Variants in SDK1 observed in about 807,000 individuals in gnomAD.
The protein encoded by SDK1 is protein sidekick-1.
In SDK1, 157 loss-of-function variants were observed where a neutral mutation model predicts 245.5. That is an observed-to-expected ratio of 0.64 (90% confidence interval 0.56 to 0.73). The LOEUF (loss-of-function observed/expected upper bound fraction) is 0.73, where lower values mean the gene tolerates loss of function less well. SDK1 is among the 30% of genes least tolerant of loss of function. SDK1 has a pLI of 0.00. For synonymous variants in SDK1, 1,647 were observed against 1,278.5 expected, an observed-to-expected ratio of 1.29 and a Z score of -6.15; for missense variants, 3,583 against 3,002.3, an observed-to-expected ratio of 1.19 and a Z score of -4.52.
chr7:3,818,767 C>T (rs1779572243), intron 4 of SDK1, among the ~76,000 whole-genome samples: 1 of 152,182 alleles, frequency 6.6e-6, no homozygotes, highest in Admixed American at 6.5e-5. Flanking sequence ...CAAGTGCTTT[C>T]CGTTCTCTCT....
chr7:4,111,585 G>C (rs1783354415), intron 23 of SDK1, among the ~76,000 whole-genome samples: 1 of 151,552 alleles, frequency 6.6e-6, no homozygotes, highest in Admixed American at 6.6e-5. Flanking sequence ...ACATCCTTCA[G>C]GAGCTTAGAA....
At chr7:4,196,818 A>G (rs1369042222) in intron 35 of SDK1, among the ~76,000 whole-genome samples, 1 of 152,156 alleles carries the variant, frequency 6.6e-6, no homozygotes, top group African/African-American at 2.4e-5. Flanking sequence ...CACGGTACCT[A>G]GTGGAGAAGC....
intron 5 of SDK1, among the ~76,000 whole-genome samples, chr7:3,841,909 C>T (rs571122774): frequency 6.6e-6 from 1 of 152,210 alleles, no homozygotes; most frequent in East Asian, 1.9e-4. Context: ...CAAGACCGAC[C>T]CATTGGGTGG....
intron 32 of SDK1, among the ~76,000 whole-genome samples, chr7:4,173,201 G>A (rs2128217145): frequency 6.6e-6 from 1 of 152,292 alleles, no homozygotes; most frequent in Non-Finnish European, 1.5e-5. Context: ...CAGCTTAGAA[G>A]GTTCCTGTTC....
chr7:4,088,689 G>C (rs969598109), intron 22 of SDK1, among the ~76,000 whole-genome samples: 1 of 152,002 alleles, frequency 6.6e-6, no homozygotes, highest in Non-Finnish European at 1.5e-5. Context: ...CACTATTCCG[G>C]AGCTCCTGAG....
intron 4 of SDK1, among the ~76,000 whole-genome samples, chr7:3,748,574 C>T (rs114973196): frequency 3.3e-5 from 5 of 152,096 alleles, no homozygotes; most frequent in African/African-American, 1.2e-4. Context: ...ACTATTCAGT[C>T]ACATGGATCT....
intron 5 of SDK1, among the ~76,000 whole-genome samples, chr7:3,947,272 C>T (rs1176822292): frequency 6.6e-6 from 1 of 152,196 alleles, no homozygotes; most frequent in Non-Finnish European, 1.5e-5. Context: ...TTCTGCTCTT[C>T]CACCTCACTC....
At chr7:3,495,747 G>C (rs557104256) in intron 1 of SDK1, among the ~76,000 whole-genome samples, 1 of 152,342 alleles carries the variant, frequency 6.6e-6, no homozygotes, top group South Asian at 2.1e-4. Flanking sequence ...CACGAGGCGA[G>C]ACAGCAAGTG....
intron 5 of SDK1, among the ~76,000 whole-genome samples, chr7:3,877,961 C>T (rs546093884): frequency 3.6e-4 from 55 of 152,316 alleles, no homozygotes; most frequent in African/African-American, 1.2e-3. Context: ...AGAGTACATT[C>T]GTTGAAGTAA....
intron 28 of SDK1, among the ~76,000 whole-genome samples, chr7:4,137,331 G>A (rs963951284): frequency 6.6e-6 from 1 of 152,218 alleles, no homozygotes; most frequent in Non-Finnish European, 1.5e-5. Flanking sequence ...CCGGATAGAA[G>A]TCTCCAAATT....
intron 1 of SDK1, among the ~76,000 whole-genome samples, chr7:3,539,169 A>G (rs1460019819): frequency 1.3e-5 from 2 of 152,108 alleles, no homozygotes; most frequent in African/African-American, 4.8e-5. Context: ...TCTATCCCCA[A>G]GTTAGGGGCT....
At chr7:3,755,772 CT>C (rs1301420947) in intron 4 of SDK1, among the ~76,000 whole-genome samples, 2 of 152,028 alleles carry the variant, frequency 1.3e-5, no homozygotes, top group Non-Finnish European at 2.9e-5. Flanking sequence ...CAGTATGGAG[CT>C]TTTTGAACCT....
chr7:3,593,960 A>G lies in SDK1; in HGVS notation c.299-25120A>G, dbSNP rs151222528. ...ATTTTAACAACTTTATTGATATATA[A>G]TTTACAGCCATAGGGTTCACCATTT... On this transcript the variant is annotated intron_variant, in intron 1 of 44. Coordinates refer to ENST00000404826, the MANE Select transcript of SDK1 (RefSeq NM_152744.4). Among the ~76,000 whole-genome samples, 793 of 152,322 alleles carry G rather than the reference A, an allele frequency of 5.2e-3. 5 individuals carry two copies. Among genetic ancestry groups the G allele is most frequent in the South Asian group, 0.02 (96 of 4,820 alleles).
intron 1 of SDK1, among the ~76,000 whole-genome samples, chr7:3,489,864 C>G (rs1416943258): frequency 1.3e-5 from 2 of 152,144 alleles, no homozygotes; most frequent in Non-Finnish European, 2.9e-5. Context: ...GAGTAAAATG[C>G]TGAATTATGG....
At chr7:4,116,428 C>T (rs988653697) in intron 25 of SDK1, among the ~76,000 whole-genome samples, 4 of 152,194 alleles carry the variant, frequency 2.6e-5, no homozygotes, top group African/African-American at 9.6e-5. Flanking sequence ...CTGCACGTGC[C>T]ACCCGCTCTG....
intron 4 of SDK1, among the ~76,000 whole-genome samples, chr7:3,669,580 C>G (rs537133252): frequency 2.0e-5 from 3 of 152,178 alleles, no homozygotes; most frequent in Non-Finnish European, 4.4e-5. Flanking sequence ...GACCTCTTTG[C>G]CAACTTGCCT....
At chr7:3,418,668 C>T (rs545346760) in intron 1 of SDK1, among the ~76,000 whole-genome samples, 6 of 152,156 alleles carry the variant, frequency 3.9e-5, no homozygotes, top group Non-Finnish European at 7.3e-5. Context: ...ATTGTTAAGA[C>T]TTTCCAGGGT....
At chr7:4,099,748 G>A (rs910598052) in intron 22 of SDK1, among the ~76,000 whole-genome samples, 21 of 147,974 alleles carry the variant, frequency 1.4e-4, no homozygotes, top group Admixed American at 4.1e-4. Context: ...GGCACAGAGT[G>A]GGGCGTGTGT....
chr7:3,530,601 GTTTA>G (rs995463683), intron 1 of SDK1, among the ~76,000 whole-genome samples: 4 of 152,258 alleles, frequency 2.6e-5, no homozygotes, highest in Admixed American at 2.0e-4. Context: ...CATTTCTGTT[GTTTA>G]TTTGTGATAA....
Sources: allele counts gnomAD v4.1 joint callset (sites outside exome capture counted in the v4.1 genomes callset), GRCh38; gene constraint gnomAD v4.1.1; transcripts MANE v1.5; gene names NCBI Gene and HGNC (gene_info 2026-07-23, HGNC 2026-07-21).